Variants in UBE2K observed in about 807,000 individuals in gnomAD.
UBE2K encodes ubiquitin conjugating enzyme E2 K.
A neutral mutation model predicts 30.0 loss-of-function variants in UBE2K; 6 were observed. The ratio of observed to expected loss-of-function variants is 0.20; its 90% CI spans 0.11 to 0.39. UBE2K has a LOEUF of 0.39. UBE2K is among the 10% of genes least tolerant of loss of function. The probability of loss-of-function intolerance (pLI) is 1.00; values close to 1 mark genes in which losing one functional copy is unlikely to be tolerated. For missense variants in UBE2K, 61 were observed against 241.6 expected (o/e 0.25, Z 4.96); for synonymous variants, 86 against 83.7 (o/e 1.03, Z -0.15).
At chr4:39,757,512 C>T (rs1466416106) in intron 4 of UBE2K, among the ~76,000 whole-genome samples, 1 of 151,788 alleles carries the variant, frequency 6.6e-6, no homozygotes, top group Non-Finnish European at 1.5e-5. Flanking sequence ...AAATCCTGTC[C>T]CTCAGTAGAT....
intron 1 of UBE2K, among the ~76,000 whole-genome samples, chr4:39,726,709 C>T (rs912567910): frequency 3.3e-5 from 5 of 152,160 alleles, no homozygotes; most frequent in Non-Finnish European, 7.3e-5. Flanking sequence ...GATTCTCCTC[C>T]CTCAGCCTCC....
chr4:39,742,058 C>T (rs747002908), intron 2 of UBE2K, among the ~76,000 whole-genome samples: 1 of 152,150 alleles, frequency 6.6e-6, no homozygotes, highest in South Asian at 2.1e-4. Context: ...TTTAGAGACT[C>T]TCGAGTCCAG....
rs1713656630 is a variant in UBE2K, at chr4:39,782,238, G to A, written c.*3804G>A. On this transcript the variant is annotated 3_prime_UTR_variant, in exon 7 of 7. Coordinates refer to ENST00000261427, the MANE Select transcript of UBE2K (RefSeq NM_005339.5). ...TGTCAGTTTGATTATAGGTGTGAGT[G>A]GATAGAAATCATTACACTGTGCTGT... 5.8e-6 allele frequency: 2 copies of A among 345,708 alleles called. No homozygotes were observed. The highest frequency in any genetic ancestry group is 4.2e-5 in the African/African-American group (2 of 47,474). 21.4% of individuals were successfully genotyped at this position (345,708 alleles called of 1,614,324 possible).
intron 4 of UBE2K, 98 bp from the exon 5 acceptor site, chr4:39,774,736 C>G (rs987833948): frequency 3.7e-6 from 2 of 538,028 alleles, no homozygotes; most frequent in African/African-American, 3.9e-5. Context: ...ATCTAAGTAA[C>G]TTTTAGCTCT....
In UBE2K at chr4:39,777,819, A is replaced by G. The variant is rs778312365; in HGVS notation, c.528+9A>G. The stretch of plus-strand genomic sequence containing the variant: ...CTATGGGCTTTGATAGGGTAAGTAC[A>G]TAAGGGCATGTTGATTTTGATATAT... On this transcript the variant is annotated intron_variant, in intron 6 of 6. Coordinates refer to ENST00000261427, the MANE Select transcript of UBE2K (RefSeq NM_005339.5). 2.8e-6 allele frequency: 4 copies of G among 1,424,934 alleles called. No individual in the cohort carries two copies. Among genetic ancestry groups the G allele is most frequent in the Non-Finnish European group, 3.7e-6 (4 of 1,086,318 alleles). The allele number at this position is 1,424,934 out of a possible 1,614,324, so 88.3% of individuals were successfully genotyped here. A position where few individuals can be genotyped will look rare whatever the true frequency, so the allele number is the denominator to read the frequency against.
chr4:39,749,644 A>C (rs991082998), intron 3 of UBE2K, among the ~76,000 whole-genome samples: 1 of 152,170 alleles, frequency 6.6e-6, no homozygotes, highest in Non-Finnish European at 1.5e-5. Context: ...ATGCCACTGC[A>C]CTGCAGCCTG....
At chr4:39,761,316 T>C (rs1216309384) in intron 4 of UBE2K, 4 of 152,184 alleles carry the variant, frequency 2.6e-5, no homozygotes, top group Non-Finnish European at 5.9e-5. Flanking sequence ...ATAAAATCTT[T>C]AGTATAAAAG....
chr4:39,775,831 C>T (rs575259966), intron 5 of UBE2K, among the ~76,000 whole-genome samples: 52 of 152,090 alleles, frequency 3.4e-4, no homozygotes, highest in African/African-American at 1.2e-3. Context: ...GAAAGTTTTT[C>T]TTCTCTTGAC....
intron 1 of UBE2K, among the ~76,000 whole-genome samples, chr4:39,723,127 C>G (rs933367666): frequency 2.0e-5 from 3 of 151,616 alleles, no homozygotes; most frequent in Non-Finnish European, 4.4e-5. Flanking sequence ...CACTGCACCC[C>G]CTGCCTTCCA....
chr4:39,719,029 A>C (rs1719273938), intron 1 of UBE2K, among the ~76,000 whole-genome samples: 1 of 152,228 alleles, frequency 6.6e-6, no homozygotes, highest in South Asian at 2.1e-4. Flanking sequence ...AAGAGTGAGC[A>C]AGGGCTGTGA....
Position 39,774,812 on chromosome 4 carries a change from A to G in UBE2K, c.300-22A>G, listed in dbSNP as rs372856809. 5.6e-6 allele frequency: 8 copies of G among 1,438,622 alleles called. No homozygotes were observed. In the Admixed American group the frequency reaches 1.6e-4, roughly 28 times the overall value. The allele number at this position is 1,438,622 out of a possible 1,614,324, so 89.1% of individuals were successfully genotyped here. A position where few individuals can be genotyped will look rare whatever the true frequency, so the allele number is the denominator to read the frequency against. Reference sequence around the variant, plus strand: ...CCTGCAGAGCCCTCTTAATTGGGATATTTTCATGTTTTGCATTTTAGGGCA... The same window carrying G: ...CCTGCAGAGCCCTCTTAATTGGGATGTTTTCATGTTTTGCATTTTAGGGCA... On this transcript the variant is annotated intron_variant, in intron 4 of 6. Coordinates refer to ENST00000261427, the MANE Select transcript of UBE2K (RefSeq NM_005339.5).
chr4:39,771,323 C>T, intron 4 of UBE2K: 4 of 1,612,296 alleles, frequency 2.5e-6, no homozygotes, highest in Non-Finnish European at 3.4e-6. Context: ...AGGCTGTCGG[C>T]CACAATGGTC....
chr4:39,770,855 G>A (rs1712758169), intron 4 of UBE2K: 9 of 1,541,060 alleles, frequency 5.8e-6, no homozygotes, highest in Non-Finnish European at 6.1e-6. Flanking sequence ...CCTCTTCCTC[G>A]GCTTTCAGCT....
intron 1 of UBE2K, among the ~76,000 whole-genome samples, chr4:39,721,923 G>A (rs181248333): frequency 9.9e-5 from 15 of 151,994 alleles, no homozygotes; most frequent in Non-Finnish European, 1.3e-4. Flanking sequence ...AGCCCGTCTC[G>A]ACAAAAATAG....
At chr4:39,771,436 T>C in intron 4 of UBE2K, 4 of 1,591,836 alleles carry the variant, frequency 2.5e-6, no homozygotes, top group Admixed American at 1.7e-5. Context: ...CCAGAGGCCA[T>C]TGTGGCGGGG....
intron 4 of UBE2K, among the ~76,000 whole-genome samples, chr4:39,758,788 A>T (rs370175420): frequency 1.3e-5 from 2 of 152,164 alleles, no homozygotes; most frequent in Non-Finnish European, 2.9e-5. Context: ...TTATCTTCCT[A>T]TATAGCTAGT....
intron 2 of UBE2K, among the ~76,000 whole-genome samples, chr4:39,743,623 A>G (rs999074049): frequency 6.6e-6 from 1 of 151,540 alleles, no homozygotes; most frequent in African/African-American, 2.4e-5. Context: ...AAAAAAGAAT[A>G]TAATGAAACC....
At chr4:39,747,805 CT>C (rs770743576) in intron 3 of UBE2K, among the ~76,000 whole-genome samples, 363 of 137,708 alleles carry the variant, frequency 2.6e-3, no homozygotes, top group Admixed American at 2.9e-3. Context: ...TTGTTGTTTT[CT>C]TTTTTTTTTT....
intron 4 of UBE2K, among the ~76,000 whole-genome samples, chr4:39,765,978 A>G (rs934326105): frequency 6.6e-6 from 1 of 152,020 alleles, no homozygotes; most frequent in African/African-American, 2.4e-5. Flanking sequence ...CAAAAGCCAA[A>G]CATTTTGTTG....
Sources: gnomAD v4.1 joint callset for allele counts (sites outside exome capture counted in the v4.1 genomes callset) on GRCh38, gnomAD v4.1.1 for gene constraint, MANE v1.5 for transcripts, NCBI Gene and HGNC (gene_info 2026-07-23, HGNC 2026-07-21) for gene names.